Variants in KLF8 observed in about 807,000 individuals in gnomAD.
KLF8 encodes Krueppel-like factor 8.
A neutral mutation model predicts 18.2 loss-of-function variants in KLF8; 10 were observed. That is an observed-to-expected ratio of 0.55 (90% CI 0.34 to 0.93). The LOEUF (loss-of-function observed/expected upper bound fraction) is 0.93. Ranked by LOEUF, KLF8 falls within the 40% of genes least tolerant of loss-of-function variation. The pLI is 0.02. For synonymous variants in KLF8, 109 were observed against 97.3 expected (o/e 1.12, Z -0.71); for missense variants, 264 against 277.9 (o/e 0.95, Z 0.36).
the KLF8 span, among the ~76,000 whole-genome samples, chrX:56,039,351 T>C: frequency 2.7e-5 from 3 of 111,949 alleles, no homozygotes; most frequent in African/African-American, 9.7e-5. Context: ...GGGTTTTACA[T>C]TTAAGTCTTT....
chrX:56,288,361 T>C lies in KLF8; in HGVS notation c.*3867T>C, dbSNP rs2067290282. 4.5e-5 allele frequency among the ~76,000 whole-genome samples: 5 copies of C among 111,914 alleles called. No individual in the cohort carries two copies. The Admixed American group carries it at 4.8e-4, about 11-fold the overall frequency. ...CAGACTTTCCTTGTTTTCAGTGACC[T>C]TGACACTTTTGAGAGAGATTTTCCT... On this transcript the variant is annotated 3_prime_UTR_variant, in exon 6 of 6. Coordinates refer to ENST00000468660, the MANE Select transcript of KLF8 (RefSeq NM_007250.5).
the KLF8 span, among the ~76,000 whole-genome samples, chrX:56,222,386 T>C: frequency 1.8e-5 from 2 of 110,901 alleles, no homozygotes; most frequent in Non-Finnish European, 3.8e-5. Context: ...TGCCCATTGA[T>C]GCATCCACAA....
the KLF8 span, among the ~76,000 whole-genome samples, chrX:56,156,108 G>T: frequency 8.9e-6 from 1 of 112,043 alleles, no homozygotes; most frequent in Non-Finnish European, 1.9e-5. Context: ...TAGCACAGTT[G>T]CAAACATTCA....
At chrX:56,244,306 C>G (rs748282978) in intron 1 of KLF8, among the ~76,000 whole-genome samples, 1 of 111,835 alleles carries the variant, frequency 8.9e-6, no homozygotes, top group South Asian at 3.7e-4. Context: ...ACCTTCTGGT[C>G]TCATGTGATC....
chrX:56,081,781 A>G, the KLF8 span, among the ~76,000 whole-genome samples: 1 of 111,767 alleles, frequency 8.9e-6, no homozygotes, highest in African/African-American at 3.2e-5. Context: ...TTATGTGGAA[A>G]CACCCTTGTG....
At chrX:56,192,095 C>T in the KLF8 span, among the ~76,000 whole-genome samples, 1 of 111,649 alleles carries the variant, frequency 9.0e-6, no homozygotes, top group African/African-American at 3.2e-5. Flanking sequence ...TCCACAAAAA[C>T]TATAAGAACT....
the KLF8 span, among the ~76,000 whole-genome samples, chrX:56,127,147 C>T: frequency 1.8e-5 from 2 of 111,274 alleles, no homozygotes; most frequent in Non-Finnish European, 3.8e-5. Flanking sequence ...CCAGCACTCT[C>T]CATCCCTTTT....
At chrX:56,089,141 C>T in the KLF8 span, among the ~76,000 whole-genome samples, 2 of 111,331 alleles carry the variant, frequency 1.8e-5, no homozygotes, top group South Asian at 3.8e-4. Context: ...AATATTTGCT[C>T]TAATAGTAAC....
At chrX:56,144,979 G>T in the KLF8 span, among the ~76,000 whole-genome samples, 1 of 108,106 alleles carries the variant, frequency 9.3e-6, no homozygotes, top group Non-Finnish European at 1.9e-5. Flanking sequence ...TTTTGGTAGA[G>T]ATGGGGTTTC....
the KLF8 span, among the ~76,000 whole-genome samples, chrX:55,929,399 T>C: frequency 8.9e-6 from 1 of 112,530 alleles, no homozygotes; most frequent in South Asian, 3.7e-4. Flanking sequence ...ATTTTGGCTT[T>C]TGTTGCCATT....
the KLF8 span, among the ~76,000 whole-genome samples, chrX:56,107,645 G>C: frequency 1.8e-5 from 2 of 111,499 alleles, no homozygotes; most frequent in Non-Finnish European, 3.8e-5. Flanking sequence ...CCTTGCCTAG[G>C]AAAGGGAAAT....
At chrX:56,283,867 A>G (rs867079233) in intron 5 of KLF8, among the ~76,000 whole-genome samples, 1 of 112,246 alleles carries the variant, frequency 8.9e-6, no homozygotes, top group African/African-American at 3.2e-5. Context: ...AGAAGTGATT[A>G]TATAAGATCA....
the KLF8 span, among the ~76,000 whole-genome samples, chrX:55,937,326 A>G: frequency 8.9e-6 from 1 of 112,313 alleles, no homozygotes; most frequent in East Asian, 2.8e-4. Flanking sequence ...GACTGTTAGA[A>G]GGAAAACTAA....
chrX:56,180,342 G>C, the KLF8 span, among the ~76,000 whole-genome samples: 1 of 111,000 alleles, frequency 9.0e-6, no homozygotes, highest in Non-Finnish European at 1.9e-5. Context: ...ATCATTTTTT[G>C]TTGCATCTGT....
chrX:56,158,575 G>T, the KLF8 span, among the ~76,000 whole-genome samples: 1 of 111,375 alleles, frequency 9.0e-6, no homozygotes, highest in Non-Finnish European at 1.9e-5. Context: ...TTGAGCAGTG[G>T]TTTGTAGTTC....
the KLF8 span, among the ~76,000 whole-genome samples, chrX:56,144,581 C>G: frequency 9.3e-6 from 1 of 107,034 alleles, no homozygotes; most frequent in African/African-American, 3.4e-5. Flanking sequence ...AACCTCGTCT[C>G]TACTAAAAAT....
chrX:56,272,193 T>G (rs765956746), intron 5 of KLF8, among the ~76,000 whole-genome samples: 1 of 110,724 alleles, frequency 9.0e-6, no homozygotes, highest in East Asian at 2.8e-4. Flanking sequence ...TGGAGACAAC[T>G]GATGTCTACA....
chrX:56,280,126 T>C (rs1463353097), intron 5 of KLF8, among the ~76,000 whole-genome samples: 2 of 112,472 alleles, frequency 1.8e-5, no homozygotes, highest in Non-Finnish European at 3.8e-5. Flanking sequence ...GAAACACAGA[T>C]ATAACAGTTC....
the KLF8 span, among the ~76,000 whole-genome samples, chrX:55,982,097 A>G: frequency 1.8e-5 from 2 of 111,187 alleles, no homozygotes; most frequent in African/African-American, 6.5e-5. Context: ...CCAAGTTCAT[A>G]TTACTGAGGA....
Sources: allele counts gnomAD v4.1 joint callset (sites outside exome capture counted in the v4.1 genomes callset), GRCh38; gene constraint gnomAD v4.1.1; transcripts MANE v1.5; gene names NCBI Gene and HGNC (gene_info 2026-07-23, HGNC 2026-07-21).